The following FAM204A variants were observed in gnomAD, a reference collection of about 807,000 sequenced individuals.
FAM204A encodes the protein protein FAM204A.
In FAM204A, 16 loss-of-function variants were observed where a neutral mutation model predicts 35.4. The observed-to-expected ratio is 0.45, with a 90% confidence interval of 0.31 to 0.69. FAM204A has a LOEUF of 0.69. Among genes scored for constraint, FAM204A ranks in the 30% least tolerant of loss-of-function variants. The pLI is 0.07. For missense variants in FAM204A, 240 were observed against 265.7 expected (o/e 0.90, Z 0.67); for synonymous variants, 76 against 86.9 (o/e 0.88, Z 0.70).
At chr10:118,336,952 A>G (rs1162284065) in intron 2 of FAM204A, among the ~76,000 whole-genome samples, 1 of 152,206 alleles carries the variant, frequency 6.6e-6, no homozygotes, top group Non-Finnish European at 1.5e-5. Context: ...AAGTAGTTGG[A>G]GGAAGGTATC....
intron 3 of FAM204A, 62 bp from the exon 4 acceptor site, chr10:118,335,703 A>G: frequency 8.1e-7 from 1 of 1,229,882 alleles, no homozygotes; most frequent in Non-Finnish European, 1.2e-6. Context: ...TGCATTTAAA[A>G]AATAATGAAG....
In FAM204A at chr10:118,300,907, C is replaced by T. The variant is rs1394968117; in HGVS notation, c.*9950G>A. The stretch of plus-strand genomic sequence containing the variant: ...CTGAGTGCTTACTGCATGCCAGACC[C>T]GTGCTAAGCTCTCTCCATGCACTAT... On this transcript the variant is annotated 3_prime_UTR_variant, in exon 9 of 9. Transcript: ENST00000369183. The T allele has an allele frequency of 1.3e-5, 2 of 152,202 alleles. No individual in the cohort carries two copies. The highest frequency in any genetic ancestry group is 2.4e-5 in the African/African-American group (1 of 41,448). The allele number at this position is 152,202 out of a possible 1,614,324, so 9.4% of individuals were successfully genotyped here.
rs975041169 is a variant in FAM204A at position 118,341,846 on chromosome 10, G to C, written c.-128C>G. ...CCACACTCCAATCCCAAAAGAGAGAGAAGCCCCTCCCGGGCACAGAACTAA... is the reference window on the plus strand; with the variant it reads ...CCACACTCCAATCCCAAAAGAGAGACAAGCCCCTCCCGGGCACAGAACTAA... On this transcript the variant is annotated 5_prime_UTR_variant, in exon 2 of 9. Transcript: ENST00000369183. 2 of 152,278 alleles carry C rather than the reference G, an allele frequency of 1.3e-5. No individual in the cohort carries two copies. Among genetic ancestry groups the C allele is most frequent in the Non-Finnish European group, 2.9e-5 (2 of 68,108 alleles). 9.4% of individuals were successfully genotyped at this position (152,278 alleles called of 1,614,324 possible).
intron 7 of FAM204A, among the ~76,000 whole-genome samples, chr10:118,322,700 T>C (rs1460573659): frequency 6.6e-6 from 1 of 152,272 alleles, no homozygotes; most frequent in African/African-American, 2.4e-5. Flanking sequence ...GCAAATGTTG[T>C]AAAATGTTAG....
In FAM204A at chr10:118,304,917, C is replaced by T. The variant is rs776044524; in HGVS notation, c.*5940G>A. The T allele has an allele frequency of 1.3e-5, 2 of 152,216 alleles. No individual in the cohort carries two copies. The highest frequency in any genetic ancestry group is 6.5e-5 in the Admixed American group (1 of 15,290). The allele number at this position is 152,216 out of a possible 1,614,324, so 9.4% of individuals were successfully genotyped here. A position where few individuals can be genotyped will look rare whatever the true frequency, so the allele number is the denominator to read the frequency against. ...TGTGGCAGATACTGCAAGCTATTTA[C>T]TAAAATTTCTTTCCTCCCAGTCTAT... On this transcript the variant is annotated 3_prime_UTR_variant, in exon 9 of 9. Coordinates refer to ENST00000369183, the MANE Select transcript of FAM204A (RefSeq NM_022063.3).
intron 6 of FAM204A, among the ~76,000 whole-genome samples, chr10:118,332,483 T>C (rs1166593589): frequency 1.3e-5 from 2 of 148,766 alleles, no homozygotes; most frequent in Non-Finnish European, 3.0e-5. Context: ...AACCTCCCTC[T>C]CCTATACCTC....
intron 6 of FAM204A, among the ~76,000 whole-genome samples, chr10:118,330,303 G>A (rs1846269462): frequency 2.0e-5 from 3 of 152,062 alleles, no homozygotes; most frequent in South Asian, 4.1e-4. Flanking sequence ...CCAATCTCAC[G>A]CAGGGAAGCA....
intron 6 of FAM204A, among the ~76,000 whole-genome samples, chr10:118,333,699 A>G (rs942134640): frequency 6.6e-6 from 1 of 152,238 alleles, no homozygotes; most frequent in African/African-American, 2.4e-5. Flanking sequence ...AATCCTAGAC[A>G]GATAGAAGCC....
rs867951513 is a variant in FAM204A at position 118,301,867 on chromosome 10, G to C, written c.*8990C>G. On this transcript the variant is annotated 3_prime_UTR_variant, in exon 9 of 9. Coordinates refer to ENST00000369183, the MANE Select transcript of FAM204A (RefSeq NM_022063.3). ...GTAGCAGAGCTGGGATTCAAATCTG[G>C]CTTGCTTCATAGTCCAGGGTGTAGC... The C allele has an allele frequency of 6.6e-6, 1 of 152,260 alleles. No individual in the cohort carries two copies. 9.4% of individuals were successfully genotyped at this position (152,260 alleles called of 1,614,324 possible). A position where few individuals can be genotyped will look rare whatever the true frequency, so the allele number is the denominator to read the frequency against.
chr10:118,335,737 G>A (rs533169665), intron 3 of FAM204A, 96 bp from the exon 4 acceptor site: 329 of 940,468 alleles, frequency 3.5e-4, no homozygotes, highest in Middle Eastern at 1.9e-3. Context: ...ATATTTCAGC[G>A]TGTATAAAGA....
At position 118,333,539 on chromosome 10, in the gene FAM204A, G is replaced by A. The variant is rs547350960; in HGVS notation, c.453+1575C>T. On this transcript the variant is annotated intron_variant, in intron 6 of 8. Coordinates refer to ENST00000369183, the MANE Select transcript of FAM204A (RefSeq NM_022063.3). The stretch of plus-strand genomic sequence containing the variant: ...CCAAAGGAGTACCATTTAAACCAAC[G>A]ATCCCAAACCAAAGAATGAGTAGGA... 6.6e-5 allele frequency among the ~76,000 whole-genome samples: 10 copies of A among 152,246 alleles called. No individual in the cohort carries two copies. In the East Asian group the frequency reaches 7.7e-4, roughly 12 times the overall value.
intron 6 of FAM204A, among the ~76,000 whole-genome samples, chr10:118,334,282 A>G (rs1846343730): frequency 6.6e-6 from 1 of 152,040 alleles, no homozygotes; most frequent in Admixed American, 6.6e-5. Context: ...ATCACTATCC[A>G]CACCACTGCT....
At chr10:118,336,042 G>C (rs1846380404) in intron 3 of FAM204A, 140 bp downstream of exon 3, 4 of 970,548 alleles carry the variant, frequency 4.1e-6, no homozygotes, top group South Asian at 1.9e-5. Context: ...CGATGCCTCA[G>C]AGAACAGTAA....
intron 5 of FAM204A, 37 bp downstream of exon 5, chr10:118,335,359 T>C (rs1846363869): frequency 1.3e-6 from 2 of 1,574,668 alleles, no homozygotes; most frequent in African/African-American, 1.4e-5. Context: ...ATTTCTACAA[T>C]GGCCTAAAAT....
chr10:118,326,259 AC>A lies in FAM204A; in HGVS notation c.454-17del. On this transcript the variant is annotated splice_polypyrimidine_tract_variant and intron_variant, in intron 6 of 8. Transcript: ENST00000369183. Reference sequence around the variant, plus strand: ...CAAGGCCTGACTAGAAAAAAAAGAAACCTAAAATTAAGGGCTGGAAGGAAAG... The same window carrying A: ...CAAGGCCTGACTAGAAAAAAAAGAAACTAAAATTAAGGGCTGGAAGGAAAG... 6.2e-7 allele frequency: 1 copy of A among 1,604,560 alleles called. No individual in the cohort carries two copies. Among genetic ancestry groups the A allele is most frequent in the Non-Finnish European group, 8.5e-7 (1 of 1,173,180 alleles).
Position 118,305,451 on chromosome 10 carries a change from ACAGT to A in FAM204A, c.*5402_*5405del, listed in dbSNP as rs1845852579. ...CCAATGCTCCTCATCTCCAGGGGAG[ACAGT>A]CAGGGCATCAATCCCACCCACTCTG... On this transcript the variant is annotated 3_prime_UTR_variant, in exon 9 of 9. Coordinates refer to ENST00000369183, the MANE Select transcript of FAM204A (RefSeq NM_022063.3). 1.3e-5 allele frequency: 2 copies of A among 152,202 alleles called. No homozygotes were observed. Among genetic ancestry groups the A allele is most frequent in the Admixed American group, 1.3e-4 (2 of 15,284 alleles). 9.4% of individuals were successfully genotyped at this position (152,202 alleles called of 1,614,324 possible). A position where few individuals can be genotyped will look rare whatever the true frequency, so the allele number is the denominator to read the frequency against.
At chr10:118,326,566 G>T (rs1001021178) in intron 6 of FAM204A, among the ~76,000 whole-genome samples, 3 of 152,158 alleles carry the variant, frequency 2.0e-5, no homozygotes, top group Non-Finnish European at 4.4e-5. Flanking sequence ...TGTTTATTAC[G>T]TGGCAGATTC....
At chr10:118,327,494 A>G (rs1272074172) in intron 6 of FAM204A, among the ~76,000 whole-genome samples, 1 of 152,188 alleles carries the variant, frequency 6.6e-6, no homozygotes, top group Non-Finnish European at 1.5e-5. Context: ...AGCGCTTCAT[A>G]GTCTTTGACC....
chr10:118,338,041 A>T (rs1846416013), intron 2 of FAM204A, among the ~76,000 whole-genome samples: 1 of 152,154 alleles, frequency 6.6e-6, no homozygotes, highest in African/African-American at 2.4e-5. Context: ...TGAATGGAGG[A>T]ATAAAATGAG....
Sources: gnomAD v4.1 joint callset for allele counts (sites outside exome capture counted in the v4.1 genomes callset) on GRCh38, gnomAD v4.1.1 for gene constraint, MANE v1.5 for transcripts, NCBI Gene and HGNC (gene_info 2026-07-23, HGNC 2026-07-21) for gene names.